The following PCDHA8 variants were observed in gnomAD, a reference collection of about 807,000 sequenced individuals.
PCDHA8 encodes protocadherin alpha-8.
A neutral mutation model predicts 61.8 loss-of-function variants in PCDHA8; 53 were observed. The ratio of observed to expected loss-of-function variants is 0.86; its 90% CI spans 0.69 to 1.08. PCDHA8 has a LOEUF of 1.08. Among genes scored for constraint, PCDHA8 ranks in the 50% least tolerant of loss-of-function variants. PCDHA8 has a pLI of 0.00. For missense variants in PCDHA8, 1,293 were observed against 1,245.0 expected, an observed-to-expected ratio of 1.04 and a Z score of -0.58; for synonymous variants, 618 against 556.6, an observed-to-expected ratio of 1.11 and a Z score of -1.55.
chr5:140,967,907 A>C (rs1311525554), intron 1 of PCDHA8: 1 of 1,614,180 alleles, frequency 6.2e-7, no homozygotes, highest in Non-Finnish European at 8.5e-7. Flanking sequence ...TGCTACACCC[A>C]ACACCATTGT....
chr5:140,850,487 T>C (rs2150486193), intron 1 of PCDHA8: 2 of 1,597,790 alleles, frequency 1.3e-6, no homozygotes, highest in East Asian at 2.2e-5. Flanking sequence ...CCACGGCCAC[T>C]GTGCTGGTGT....
rs375455658 is a variant in PCDHA8, at chr5:140,863,185, G to T, written c.2394+19470G>T. 4.3e-3 allele frequency: 3,329 copies of T among 772,160 alleles called. 69 individuals are homozygous for T. Among genetic ancestry groups the T allele is most frequent in the South Asian group, 0.037 (2,838 of 76,536 alleles). 47.8% of individuals were successfully genotyped at this position (772,160 alleles called of 1,614,324 possible). A position where few individuals can be genotyped will look rare whatever the true frequency, so the allele number is the denominator to read the frequency against. ...GCTGGCGCTGACTGCCACCGTCACC[G>T]TGGTGGCGTCGCTGGCGGAGAGCAG... On this transcript the variant is annotated intron_variant, in intron 1 of 3. Transcript: ENST00000531613.
chr5:140,984,178 A>C (rs2097090747), intron 3 of PCDHA8, among the ~76,000 whole-genome samples: 1 of 152,184 alleles, frequency 6.6e-6, no homozygotes, highest in South Asian at 2.1e-4. Context: ...AGCCACGTGA[A>C]ATCATGACTT....
intron 1 of PCDHA8, among the ~76,000 whole-genome samples, chr5:140,940,236 A>G (rs1487572447): frequency 1.3e-5 from 2 of 152,200 alleles, no homozygotes; most frequent in East Asian, 3.8e-4. Flanking sequence ...TTGGTACATT[A>G]AAGTTACCTC....
intron 1 of PCDHA8, among the ~76,000 whole-genome samples, chr5:140,894,788 T>C (rs1217718306): frequency 2.0e-5 from 3 of 152,160 alleles, no homozygotes; most frequent in Admixed American, 1.3e-4. Flanking sequence ...TTATTTGTCC[T>C]CTCCTTTAAA....
intron 3 of PCDHA8, among the ~76,000 whole-genome samples, chr5:141,004,289 CAG>C (rs1383902638): frequency 1.3e-5 from 2 of 152,130 alleles, no homozygotes; most frequent in Non-Finnish European, 2.9e-5. Context: ...GCTGAGCTCT[CAG>C]AGATGTTTGT....
rs2098421039 is a variant in PCDHA8, at chr5:141,011,549, G to GA, written c.*1615dup. 1 of 153,674 alleles carries GA rather than the reference G, an allele frequency of 6.5e-6. No individual in the cohort carries two copies. The highest frequency in any genetic ancestry group is 1.5e-5 in the Non-Finnish European group (1 of 68,008). The allele number at this position is 153,674 out of a possible 1,614,324, so 9.5% of individuals were successfully genotyped here. A position where few individuals can be genotyped will look rare whatever the true frequency, so the allele number is the denominator to read the frequency against. Reference sequence around the variant, plus strand: ...CCATTGTTAATCAGCTTTTGTGTATGAAAGACACAGTAAAATTTCTTTCTT... The same window carrying GA: ...CCATTGTTAATCAGCTTTTGTGTATGAAAAGACACAGTAAAATTTCTTTCTT... On this transcript the variant is annotated 3_prime_UTR_variant, in exon 4 of 4. Coordinates refer to ENST00000531613, the MANE Select transcript of PCDHA8 (RefSeq NM_018911.3).
intron 1 of PCDHA8, among the ~76,000 whole-genome samples, chr5:140,908,630 CA>C (rs2074062492): frequency 6.6e-6 from 1 of 152,126 alleles, no homozygotes; most frequent in East Asian, 1.9e-4. Flanking sequence ...TTGAGGTCTC[CA>C]CTGTGATTCA....
At chr5:140,927,212 T>C (rs150770754) in intron 1 of PCDHA8, 20 of 1,614,012 alleles carry the variant, frequency 1.2e-5, no homozygotes, top group African/African-American at 1.1e-4. Flanking sequence ...CCGCTGGAGC[T>C]GCACAAGATT....
At chr5:140,848,803 G>A in intron 1 of PCDHA8, 3 of 1,592,286 alleles carry the variant, frequency 1.9e-6, no homozygotes, top group South Asian at 1.1e-5. Flanking sequence ...GCGGAGTGCA[G>A]CATCCACCTG....
At position 140,850,378 on chromosome 5, in the gene PCDHA8, C is replaced by T. The variant is rs1365314674; in HGVS notation, c.2394+6663C>T. On this transcript the variant is annotated intron_variant, in intron 1 of 3. Coordinates refer to ENST00000531613, the MANE Select transcript of PCDHA8 (RefSeq NM_018911.3). ...ATCCCGTTCCGCGTGGGGCTGTACA[C>T]GGGCGAGATCAGCACAACGCGTGCC... 6 of 1,597,842 alleles carry T rather than the reference C, an allele frequency of 3.8e-6. 1 individual carries two copies. Among genetic ancestry groups the T allele is most frequent in the Non-Finnish European group, 5.1e-6 (6 of 1,167,692 alleles).
chr5:140,922,799 A>T (rs1188093750), intron 1 of PCDHA8, among the ~76,000 whole-genome samples: 1 of 152,264 alleles, frequency 6.6e-6, no homozygotes, highest in Non-Finnish European at 1.5e-5. Context: ...GCTTTGGAAT[A>T]CAGAAAAAGG....
At chr5:140,869,617 C>T (rs782525218) in intron 1 of PCDHA8, 3 of 1,613,828 alleles carry the variant, frequency 1.9e-6, no homozygotes, top group Non-Finnish European at 2.5e-6. Context: ...GACCTACAGG[C>T]TAAGTAAAAA....
At chr5:140,872,114 AG>A (rs1261193633) in intron 1 of PCDHA8, among the ~76,000 whole-genome samples, 1 of 151,936 alleles carries the variant, frequency 6.6e-6, no homozygotes, top group African/African-American at 2.4e-5. Context: ...TCCTAACTTC[AG>A]GCTTGTATCA....
intron 1 of PCDHA8, chr5:140,850,726 C>T (rs781908002): frequency 6.3e-7 from 1 of 1,597,804 alleles, no homozygotes; most frequent in Non-Finnish European, 8.6e-7. Flanking sequence ...TGTTCTAGCG[C>T]GGTGGGGAGT....
rs558490430 is a variant in PCDHA8, at chr5:140,909,702, G to A, written c.2394+65987G>A. ...AGCCAATGTGGGGGTTCTGCTAGCT[G>A]CTAAGTATACCTATGCCAATTATGC... is the stretch of plus-strand genomic sequence containing the variant. On this transcript the variant is annotated intron_variant, in intron 1 of 3. Transcript: ENST00000531613. Among the ~76,000 whole-genome samples the A allele has an allele frequency of 3.3e-5, 5 of 152,302 alleles. No individual in the cohort carries two copies. In the East Asian group the frequency reaches 9.6e-4, roughly 29 times the overall value.
chr5:140,898,817 C>T (rs1381051036), intron 1 of PCDHA8, among the ~76,000 whole-genome samples: 1 of 151,766 alleles, frequency 6.6e-6, no homozygotes, highest in Admixed American at 6.6e-5. Context: ...TCTTCCTACC[C>T]ATGAGCATGG....
chr5:140,994,233 T>A (rs2097606681), intron 3 of PCDHA8, among the ~76,000 whole-genome samples: 1 of 152,138 alleles, frequency 6.6e-6, no homozygotes, highest in Admixed American at 6.5e-5. Context: ...TATGTTATAA[T>A]CAATTCAAAC....
At chr5:140,999,033 G>A (rs1029128098) in intron 3 of PCDHA8, among the ~76,000 whole-genome samples, 6 of 152,148 alleles carry the variant, frequency 3.9e-5, no homozygotes, top group African/African-American at 1.4e-4. Context: ...TTGATACTTC[G>A]TCCAGTGTGC....
Sources: gnomAD v4.1 joint callset for allele counts (sites outside exome capture counted in the v4.1 genomes callset) on GRCh38, gnomAD v4.1.1 for gene constraint, MANE v1.5 for transcripts, NCBI Gene and HGNC (gene_info 2026-07-23, HGNC 2026-07-21) for gene names.